The following VPS26B variants were observed in gnomAD, a reference collection of about 807,000 sequenced individuals.
The protein encoded by VPS26B is vacuolar protein sorting-associated protein 26B.
Under a neutral mutation model 33.3 loss-of-function variants are expected in VPS26B, and 10 were observed. The ratio of observed to expected loss-of-function variants is 0.30; its 90% CI spans 0.19 to 0.51. The LOEUF is 0.51. Among genes scored for constraint, VPS26B ranks in the 20% least tolerant of loss-of-function variants. The pLI, the probability that VPS26B is intolerant of heterozygous loss-of-function variation, is 0.98. For synonymous variants in VPS26B, 190 were observed against 176.9 expected (o/e 1.07, Z -0.59); for missense variants, 317 against 452.7 (o/e 0.70, Z 2.72).
intron 1 of VPS26B, among the ~76,000 whole-genome samples, chr11:134,231,626 A>G (rs1938556751): frequency 6.6e-6 from 1 of 151,126 alleles, no homozygotes. Flanking sequence ...GTGCAATGGC[A>G]CAATCTCAGC....
chr11:134,241,959 G>A (rs963127601), intron 3 of VPS26B, among the ~76,000 whole-genome samples: 2 of 152,214 alleles, frequency 1.3e-5, no homozygotes, highest in Admixed American at 1.3e-4. Flanking sequence ...GCGGAGCTGA[G>A]ATCCTTAGAC....
At position 134,247,246 on chromosome 11, in the gene VPS26B, C is replaced by T. The variant is rs1178341882; in HGVS notation, c.*1656C>T. 1 of 152,142 alleles carries T rather than the reference C, an allele frequency of 6.6e-6. No homozygotes were observed. Among genetic ancestry groups the T allele is most frequent in the East Asian group, 1.9e-4 (1 of 5,188 alleles). The allele number at this position is 152,142 out of a possible 1,614,324, so 9.4% of individuals were successfully genotyped here. A position where few individuals can be genotyped will look rare whatever the true frequency, so the allele number is the denominator to read the frequency against. On this transcript the variant is annotated 3_prime_UTR_variant, in exon 6 of 6. Coordinates refer to ENST00000281187, the MANE Select transcript of VPS26B (RefSeq NM_052875.5). ...TGGGAACAGGATCACCCATGCGCTG[C>T]CCTTGATGATCAAGGTTGGGGCTTA...
chr11:134,239,721 GGATTCTT>G, intron 2 of VPS26B: 1 of 463,104 alleles, frequency 2.2e-6, no homozygotes, highest in South Asian at 2.2e-5. Flanking sequence ...CCTTACAGCA[GGATTCTT>G]GACCCGGGGG....
In VPS26B at chr11:134,245,802, G is replaced by C. The variant is rs1938806334; in HGVS notation, c.*212G>C. 1 of 639,228 alleles carries C rather than the reference G, an allele frequency of 1.6e-6. No individual in the cohort carries two copies. Among genetic ancestry groups the C allele is most frequent in the African/African-American group, 1.8e-5 (1 of 54,668 alleles). 39.6% of individuals were successfully genotyped at this position (639,228 alleles called of 1,614,324 possible). A position where few individuals can be genotyped will look rare whatever the true frequency, so the allele number is the denominator to read the frequency against. On this transcript the variant is annotated 3_prime_UTR_variant, in exon 6 of 6. Transcript: ENST00000281187. The surrounding 1 kb of genome is among the most constrained non-coding windows in gnomAD (Gnocchi z 4.7). ...CTCTCCTTGGGATTCTGCGGCCGAT[G>C]TGGGATAGAAGAGGTAGCATCCTGG...
chr11:134,238,096 A>G (rs1938660269), intron 2 of VPS26B, among the ~76,000 whole-genome samples: 1 of 152,120 alleles, frequency 6.6e-6, no homozygotes, highest in Admixed American at 6.5e-5. Flanking sequence ...TCATGTGGGA[A>G]GCTTTTTAAA....
chr11:134,235,580 G>C (rs1938619381), intron 2 of VPS26B: 1 of 152,340 alleles, frequency 6.6e-6, no homozygotes, highest in Non-Finnish European at 1.5e-5. Context: ...CTGACCTGCT[G>C]TCCGGCTCTG....
chr11:134,242,007 G>A (rs975462510), intron 3 of VPS26B, among the ~76,000 whole-genome samples: 2 of 152,208 alleles, frequency 1.3e-5, no homozygotes, highest in Admixed American at 6.5e-5. Context: ...CACAAGCAAC[G>A]TTTTTGTTGG....
At chr11:134,231,431 C>G (rs1021166097) in intron 1 of VPS26B, among the ~76,000 whole-genome samples, 12 of 152,142 alleles carry the variant, frequency 7.9e-5, no homozygotes, top group Non-Finnish European at 1.8e-4. Context: ...AGGCGTGGGC[C>G]GCTCAGAGGT....
intron 1 of VPS26B, among the ~76,000 whole-genome samples, chr11:134,230,376 C>T (rs982813770): frequency 1.3e-5 from 2 of 152,242 alleles, no homozygotes; most frequent in African/African-American, 4.8e-5. Context: ...TTTCCTTTTC[C>T]CACATCTCCT....
Position 134,245,021 on chromosome 11 carries a change from C to T in VPS26B, c.805C>T (p.Arg269Cys), listed in dbSNP as rs1938788402. 9 of 1,614,024 alleles carry T rather than the reference C, an allele frequency of 5.6e-6. No homozygotes were observed. Among genetic ancestry groups the T allele is most frequent in the South Asian group, 3.3e-5 (3 of 91,094 alleles). The part of the protein sequence containing the change: ...MRDINKKFSV[R>C]YYLNLVLIDE... ...GGACATCAACAAGAAGTTCTCTGTG[C>T]GCTATTACCTCAACCTGGTGCTGAT... Residue 269 changes from arginine (R) to cysteine (C), a missense_variant, in exon 5 of 6, where the codon CGC becomes TGC. Transcript: ENST00000281187. The surrounding 1 kb of genome is among the most constrained non-coding windows in gnomAD (Gnocchi z 4.7).
chr11:134,234,352 C>T (rs957087916), intron 1 of VPS26B, among the ~76,000 whole-genome samples: 9 of 152,142 alleles, frequency 5.9e-5, no homozygotes, highest in Admixed American at 4.6e-4. Context: ...TGCATTATAC[C>T]AGCTGATAGA....
chr11:134,247,317 A>C lies in VPS26B; in HGVS notation c.*1727A>C, dbSNP rs574239618. ...TCTGGGTTCCTTGCCTTTTCAGAGC[A>C]TGAGGTCAGGCTCTGTATCCCTCCT... On this transcript the variant is annotated 3_prime_UTR_variant, in exon 6 of 6. Transcript: ENST00000281187. The C allele has an allele frequency of 6.6e-6, 1 of 152,308 alleles. No homozygotes were observed. Among genetic ancestry groups the C allele is most frequent in the South Asian group, 2.1e-4 (1 of 4,820 alleles). The allele number at this position is 152,308 out of a possible 1,614,324, so 9.4% of individuals were successfully genotyped here. A position where few individuals can be genotyped will look rare whatever the true frequency, so the allele number is the denominator to read the frequency against.
Position 134,234,982 on chromosome 11 carries a change from G to A in VPS26B, c.309G>A (p.Gln103=). 6.2e-7 allele frequency: 1 copy of A among 1,614,212 alleles called. No individual in the cohort carries two copies. The highest frequency in any genetic ancestry group is 1.3e-5 in the African/African-American group (1 of 75,048). The change falls in exon 2 of 6, where the codon CAG becomes CAA. Residue 103 remains glutamine (Q), a synonymous_variant. Transcript: ENST00000281187. ...GGCCTGGAGAGATCACCCAGTCGCA[G>A]GCCTTCGACTTTGAGTTTACCCACG... is the stretch of plus-strand genomic sequence containing the variant. ...LARPGEITQS[Q]AFDFEFTHVE... is the part of the protein sequence containing the mutation.
chr11:134,239,956 G>C, intron 2 of VPS26B, 35 bp from the exon 3 acceptor site: 1 of 1,613,528 alleles, frequency 6.2e-7, no homozygotes, highest in Non-Finnish European at 8.5e-7. Flanking sequence ...CTGGAGACTG[G>C]GAGTGTTTAT....
chr11:134,245,357 TC>T lies in VPS26B; in HGVS notation c.865-83del. The stretch of plus-strand genomic sequence containing the variant: ...AGCAGAGGAGGTCCTTGCCCGAGAT[TC>T]CCCACGTCAAAGTTGGGAGCCTCTA... On this transcript the variant is annotated intron_variant, in intron 5 of 5. Coordinates refer to ENST00000281187, the MANE Select transcript of VPS26B (RefSeq NM_052875.5). The surrounding 1 kb of genome is among the most constrained non-coding windows in gnomAD (Gnocchi z 4.7). 1 of 1,573,382 alleles carries T rather than the reference TC, an allele frequency of 6.4e-7. No homozygotes were observed. Among genetic ancestry groups the T allele is most frequent in the South Asian group, 1.1e-5 (1 of 87,290 alleles).
chr11:134,234,790 T>G (rs1457977860), intron 1 of VPS26B, 107 bp from the exon 2 acceptor site: 1 of 1,371,482 alleles, frequency 7.3e-7, no homozygotes, highest in Non-Finnish European at 1.0e-6. Context: ...TGCAGGGAGG[T>G]CCTTCCAGAA....
chr11:134,235,871 A>G (rs541158339), intron 2 of VPS26B, among the ~76,000 whole-genome samples: 1 of 152,296 alleles, frequency 6.6e-6, no homozygotes, highest in Non-Finnish European at 1.5e-5. Context: ...TGCTACTGGG[A>G]TAAAGCAGTC....
intron 1 of VPS26B, among the ~76,000 whole-genome samples, chr11:134,233,332 G>A (rs952713048): frequency 1.3e-5 from 2 of 152,186 alleles, no homozygotes; most frequent in African/African-American, 4.8e-5. Context: ...CATCTGCCCC[G>A]CTGCAAGTTG....
chr11:134,245,638 T>G lies in VPS26B; in HGVS notation c.*48T>G. On this transcript the variant is annotated 3_prime_UTR_variant, in exon 6 of 6. Transcript: ENST00000281187. The surrounding 1 kb of genome is among the most constrained non-coding windows in gnomAD (Gnocchi z 4.7). ...TGGGCACCCACCCAGCACCCCCATC[T>G]ACCAACACCAGCGGCTGGGGGCGGG... The G allele has an allele frequency of 6.4e-7, 1 of 1,558,566 alleles. No individual in the cohort carries two copies. The highest frequency in any genetic ancestry group is 8.7e-7 in the Non-Finnish European group (1 of 1,152,750).
Sources: allele counts gnomAD v4.1 joint callset (sites outside exome capture counted in the v4.1 genomes callset), GRCh38; gene constraint gnomAD v4.1.1; non-coding constraint Gnocchi (gnomAD v3.1); transcripts MANE v1.5; gene names NCBI Gene and HGNC (gene_info 2026-07-23, HGNC 2026-07-21).